Variants in LATS2 observed in about 807,000 individuals in gnomAD.
The protein encoded by LATS2 is serine/threonine-protein kinase LATS2.
In LATS2, 24 loss-of-function variants were observed where a neutral mutation model predicts 76.0. The observed-to-expected ratio is 0.32, with a 90% CI of 0.23 to 0.44. LATS2 has a LOEUF of 0.44. Among genes scored for constraint, LATS2 ranks in the 20% least tolerant of loss-of-function variants. The pLI is 1.00. For synonymous variants in LATS2, 692 were observed against 635.4 expected, an observed-to-expected ratio of 1.09 and a Z score of -1.34; for missense variants, 1,286 against 1,481.2, an observed-to-expected ratio of 0.87 and a Z score of 2.16.
chr13:20,975,642 C>T (rs992468048), intron 7 of LATS2, among the ~76,000 whole-genome samples: 1 of 152,164 alleles, frequency 6.6e-6, no homozygotes, highest in Admixed American at 6.5e-5. Context: ...GAATTTTGTG[C>T]TTTCCACAAA....
chr13:21,015,541 A>G (rs992094495), intron 2 of LATS2, among the ~76,000 whole-genome samples: 1 of 152,246 alleles, frequency 6.6e-6, no homozygotes, highest in African/African-American at 2.4e-5. Flanking sequence ...GAAGATAAGC[A>G]AAATAATTTG....
intron 2 of LATS2, among the ~76,000 whole-genome samples, chr13:21,021,165 C>T (rs1872043931): frequency 6.6e-6 from 1 of 152,076 alleles, no homozygotes; most frequent in African/African-American, 2.4e-5. Flanking sequence ...ATATGTTAAA[C>T]ATTTTCCATA....
At chr13:20,996,544 C>T (rs1870762062) in intron 2 of LATS2, among the ~76,000 whole-genome samples, 1 of 152,016 alleles carries the variant, frequency 6.6e-6, no homozygotes. Context: ...CCATACCTGG[C>T]TAATTTTTGT....
At chr13:21,055,632 T>A (rs1035081688) in intron 1 of LATS2, among the ~76,000 whole-genome samples, 7 of 152,196 alleles carry the variant, frequency 4.6e-5, no homozygotes, top group Non-Finnish European at 8.8e-5. Flanking sequence ...TTATTCTAAT[T>A]TATCCTAGTG....
At chr13:20,994,226 C>T (rs900276347) in intron 2 of LATS2, among the ~76,000 whole-genome samples, 2 of 152,222 alleles carry the variant, frequency 1.3e-5, no homozygotes, top group African/African-American at 4.8e-5. Context: ...GTGAACCGTA[C>T]TCATGAGCCG....
intron 2 of LATS2, among the ~76,000 whole-genome samples, chr13:20,996,527 A>G (rs967882894): frequency 4.6e-5 from 7 of 151,942 alleles, no homozygotes; most frequent in South Asian, 2.1e-4. Flanking sequence ...ACATGCATGA[A>G]CCACCACCAT....
At position 20,991,199 on chromosome 13, in the gene LATS2, C is replaced by G; in HGVS notation, c.475+73G>C. 1 of 1,580,684 alleles carries G rather than the reference C, an allele frequency of 6.3e-7. No individual in the cohort carries two copies. On this transcript the variant is annotated intron_variant, in intron 3 of 7. Transcript: ENST00000382592. The surrounding 1 kb of genome is among the most constrained non-coding windows in gnomAD (Gnocchi z 4.9). The stretch of plus-strand genomic sequence containing the variant: ...CTGGCCAGGCCAGGCCAGGTTGGAC[C>G]CCTCTGCACGTGGTTTTGTTGTCCT...
rs147172274 is a variant in LATS2, at chr13:20,988,207, G to T, written c.1573C>A (p.Arg525Ser). The change falls in exon 4 of 8, where the codon CGC (arginine) becomes AGC (serine). Residue 525 changes from arginine to serine, a missense_variant. This residue lies in a region of LATS2 where 710 missense variants were observed against 660.9 expected (regional missense o/e 1.07). Coordinates refer to ENST00000382592, the MANE Select transcript of LATS2 (RefSeq NM_014572.3). ...AGGTCGTACTGCTCCGACTTGCTGC[G>T]CAGCAGCAGGTGCTTCGGGTAGGGC... ...PPPYPKHLLL[R>S]SKSEQYDLDS... The T allele has an allele frequency of 2.2e-4, 359 of 1,611,006 alleles. 1 individual carries two copies. In the African/African-American group the frequency reaches 3.9e-3, roughly 18 times the overall value.
intron 2 of LATS2, among the ~76,000 whole-genome samples, chr13:21,015,644 C>T (rs1198145657): frequency 1.3e-5 from 2 of 152,136 alleles, no homozygotes; most frequent in East Asian, 3.8e-4. Flanking sequence ...TTTTTTACAA[C>T]CAGCAGTTTG....
chr13:21,025,851 C>T (rs912339511), intron 2 of LATS2, among the ~76,000 whole-genome samples: 4 of 152,198 alleles, frequency 2.6e-5, no homozygotes, highest in African/African-American at 4.8e-5. Flanking sequence ...GATGGCCATA[C>T]GGCCCTGTAC....
chr13:21,037,366 G>C (rs995685518), intron 2 of LATS2, among the ~76,000 whole-genome samples: 1 of 152,184 alleles, frequency 6.6e-6, no homozygotes, highest in African/African-American at 2.4e-5. Context: ...TCATGCCATT[G>C]CATTCCAGCC....
At chr13:21,000,854 G>A (rs1053125091) in intron 2 of LATS2, among the ~76,000 whole-genome samples, 2 of 152,118 alleles carry the variant, frequency 1.3e-5, no homozygotes, top group Admixed American at 6.5e-5. Context: ...AAAATGTTAT[G>A]TCTCTTAGTA....
At chr13:21,039,925 T>C (rs1872808576) in intron 2 of LATS2, among the ~76,000 whole-genome samples, 1 of 152,008 alleles carries the variant, frequency 6.6e-6, no homozygotes, top group South Asian at 2.1e-4. Flanking sequence ...AATACAAAAT[T>C]AGCTGGGCGT....
At chr13:21,052,036 C>T (rs1369049033) in intron 1 of LATS2, among the ~76,000 whole-genome samples, 1 of 152,210 alleles carries the variant, frequency 6.6e-6, no homozygotes, top group Non-Finnish European at 1.5e-5. Flanking sequence ...CTGGGTCCTT[C>T]CCCAGCTCTG....
intron 2 of LATS2, among the ~76,000 whole-genome samples, chr13:21,018,781 GTA>G (rs1385407458): frequency 6.6e-6 from 1 of 152,080 alleles, no homozygotes; most frequent in Non-Finnish European, 1.5e-5. Context: ...AGCCTCCTGA[GTA>G]TATAGGCATG....
At chr13:21,049,334 A>C (rs1239915852) in intron 1 of LATS2, among the ~76,000 whole-genome samples, 2 of 152,218 alleles carry the variant, frequency 1.3e-5, no homozygotes, top group African/African-American at 2.4e-5. Context: ...AGAAGGGACA[A>C]GTGCAACACT....
intron 2 of LATS2, among the ~76,000 whole-genome samples, chr13:21,008,022 G>A (rs993843712): frequency 6.6e-6 from 1 of 151,708 alleles, no homozygotes; most frequent in African/African-American, 2.4e-5. Context: ...GCCTCCCAAA[G>A]TGTTGGGATC....
chr13:21,041,479 T>C (rs1861030821), intron 2 of LATS2, among the ~76,000 whole-genome samples: 2 of 152,118 alleles, frequency 1.3e-5, no homozygotes, highest in Non-Finnish European at 2.9e-5. Context: ...TTTAAATCAC[T>C]TAAACATGAT....
At chr13:21,060,554 G>T (rs868528013) in intron 1 of LATS2, among the ~76,000 whole-genome samples, 7 of 152,200 alleles carry the variant, frequency 4.6e-5, no homozygotes, top group Non-Finnish European at 7.4e-5. Context: ...CCCGCAGCCC[G>T]GGAGGAACGG....
Sources: allele counts gnomAD v4.1 joint callset (sites outside exome capture counted in the v4.1 genomes callset), GRCh38; gene constraint gnomAD v4.1.1; regional missense constraint gnomAD v4.1.1; non-coding constraint Gnocchi (gnomAD v3.1); transcripts MANE v1.5; gene names NCBI Gene and HGNC (gene_info 2026-07-23, HGNC 2026-07-21).